Variants in GPR158 observed in about 807,000 individuals in gnomAD.
The protein encoded by GPR158 is G protein-coupled receptor 158.
Under a neutral mutation model 78.2 loss-of-function variants are expected in GPR158, and 30 were observed. The observed-to-expected ratio is 0.38, with a 90% CI of 0.29 to 0.52. GPR158 has a LOEUF of 0.52. Ranked by LOEUF, GPR158 falls within the 20% of genes least tolerant of loss-of-function variation. GPR158 has a pLI of 0.83. For synonymous variants in GPR158, 581 were observed against 591.1 expected, an observed-to-expected ratio of 0.98 and a Z score of 0.25; for missense variants, 1,463 against 1,523.5, an observed-to-expected ratio of 0.96 and a Z score of 0.66.
intron 4 of GPR158, among the ~76,000 whole-genome samples, chr10:25,434,079 G>A (rs565465567): frequency 3.3e-5 from 5 of 152,102 alleles, no homozygotes; most frequent in African/African-American, 7.2e-5. Flanking sequence ...GAATGGCGGC[G>A]TGAACCCTGG....
At chr10:25,581,224 G>A (rs977252612) in intron 7 of GPR158, among the ~76,000 whole-genome samples, 4 of 151,946 alleles carry the variant, frequency 2.6e-5, no homozygotes, top group Non-Finnish European at 5.9e-5. Flanking sequence ...CACCGCGCCC[G>A]GCGCTAATTT....
chr10:25,512,992 C>CT (rs1414300610), intron 5 of GPR158, among the ~76,000 whole-genome samples: 4 of 151,966 alleles, frequency 2.6e-5, no homozygotes, highest in African/African-American at 9.6e-5. Context: ...CTGTAGTTTT[C>CT]TTTTTTTGTT....
intron 2 of GPR158, among the ~76,000 whole-genome samples, chr10:25,380,127 G>A (rs71495450): frequency 0.047 from 7,171 of 151,928 alleles, 472 homozygotes; most frequent in African/African-American, 0.14. Flanking sequence ...CCTACTATGT[G>A]TCATGCTTGT....
chr10:25,446,839 G>A (rs544542264), intron 4 of GPR158, among the ~76,000 whole-genome samples: 5 of 152,292 alleles, frequency 3.3e-5, no homozygotes, highest in Admixed American at 2.0e-4. Context: ...TACATCAGCC[G>A]TAGGACAACT....
At chr10:25,260,166 T>G (rs1002660001) in intron 2 of GPR158, among the ~76,000 whole-genome samples, 5 of 152,200 alleles carry the variant, frequency 3.3e-5, no homozygotes, top group African/African-American at 1.2e-4. Flanking sequence ...TGCGATAGAT[T>G]TTTTTGTTTG....
rs77012078 is a variant in GPR158, at chr10:25,231,405, C to G, written c.1008+10248C>G. On this transcript the variant is annotated intron_variant, in intron 2 of 10. Coordinates refer to ENST00000376351, the MANE Select transcript of GPR158 (RefSeq NM_020752.3). The stretch of plus-strand genomic sequence containing the variant: ...CTTCTGCTTATCAAGGAATCAGATA[C>G]TTTAGAGTAGGAGATAAATCAATTT... Among the ~76,000 whole-genome samples the G allele has an allele frequency of 9.4e-3, 1,426 of 152,166 alleles. 10 individuals are homozygous for G. The highest frequency in any genetic ancestry group is 0.013 in the Non-Finnish European group (914 of 68,016).
chr10:25,499,484 T>C (rs1173601317), intron 5 of GPR158, among the ~76,000 whole-genome samples: 1 of 152,212 alleles, frequency 6.6e-6, no homozygotes, highest in Non-Finnish European at 1.5e-5. Context: ...TTCCTTGCCT[T>C]TGTGTATTTC....
intron 4 of GPR158, chr10:25,466,441 C>A (rs550735631): frequency 4.7e-6 from 2 of 429,184 alleles, no homozygotes; most frequent in Non-Finnish European, 8.3e-6. Flanking sequence ...CAGCCACTGG[C>A]GATATTATTA....
chr10:25,476,574 T>A (rs1354267730), intron 5 of GPR158, among the ~76,000 whole-genome samples: 1 of 152,114 alleles, frequency 6.6e-6, no homozygotes, highest in Non-Finnish European at 1.5e-5. Context: ...ACTCAGTCTT[T>A]CTCCAGCCTC....
intron 9 of GPR158, among the ~76,000 whole-genome samples, chr10:25,595,590 G>T (rs943725902): frequency 6.6e-6 from 1 of 152,142 alleles, no homozygotes; most frequent in Admixed American, 6.6e-5. Flanking sequence ...TGAAGTTCTG[G>T]CACATGTTAC....
At chr10:25,309,958 C>T (rs1854740024) in intron 2 of GPR158, among the ~76,000 whole-genome samples, 1 of 152,142 alleles carries the variant, frequency 6.6e-6, no homozygotes, top group Admixed American at 6.6e-5. Flanking sequence ...ACTAATAATA[C>T]CTTTGATGTC....
intron 4 of GPR158, among the ~76,000 whole-genome samples, chr10:25,454,106 A>G (rs1835259925): frequency 6.6e-6 from 1 of 151,998 alleles, no homozygotes; most frequent in East Asian, 1.9e-4. Context: ...TTTCATCAAT[A>G]TCTTATAGTT....
chr10:25,449,372 T>C (rs1182710240), intron 4 of GPR158, among the ~76,000 whole-genome samples: 1 of 152,238 alleles, frequency 6.6e-6, no homozygotes, highest in Non-Finnish European at 1.5e-5. Flanking sequence ...TATGCCTGCC[T>C]CACTACTAAG....
chr10:25,320,340 A>C (rs1230700450), intron 2 of GPR158, among the ~76,000 whole-genome samples: 6 of 152,114 alleles, frequency 3.9e-5, no homozygotes, highest in African/African-American at 9.7e-5. Context: ...AGAAATCTTT[A>C]AGTTGCATCT....
At chr10:25,333,324 A>C (rs1230951585) in intron 2 of GPR158, among the ~76,000 whole-genome samples, 1 of 152,144 alleles carries the variant, frequency 6.6e-6, no homozygotes, top group Non-Finnish European at 1.5e-5. Context: ...CTTAAATGGC[A>C]CGATAGTTTG....
intron 2 of GPR158, among the ~76,000 whole-genome samples, chr10:25,374,790 C>T (rs1834053163): frequency 1.3e-5 from 2 of 151,546 alleles, no homozygotes; most frequent in Admixed American, 6.6e-5. Flanking sequence ...TTGGTTTAAC[C>T]TTTATTCAAG....
intron 1 of GPR158, among the ~76,000 whole-genome samples, chr10:25,210,745 A>T (rs1266506755): frequency 6.6e-6 from 1 of 152,150 alleles, no homozygotes; most frequent in African/African-American, 2.4e-5. Context: ...ATCTTGGTGT[A>T]TTCATGACAT....
At position 25,510,661 on chromosome 10, in the gene GPR158, G is replaced by C. The variant is rs1836073280; in HGVS notation, c.1405-40315G>C. The stretch of plus-strand genomic sequence containing the variant: ...TTTTGGTGCACCCATCACCTGAGCA[G>C]TGTACACTGTACCCAATGTGTAGTC... On this transcript the variant is annotated intron_variant, in intron 5 of 10. Transcript: ENST00000376351. Among the ~76,000 whole-genome samples the C allele has an allele frequency of 2.0e-5, 3 of 152,176 alleles. No individual in the cohort carries two copies. In the South Asian group the frequency reaches 6.2e-4, roughly 32 times the overall value.
At chr10:25,423,133 A>ATACGTATATACGTATC (rs1834775703) in intron 4 of GPR158, among the ~76,000 whole-genome samples, 1 of 147,432 alleles carries the variant, frequency 6.8e-6, no homozygotes, top group African/African-American at 2.6e-5. Context: ...ATATATGTAT[A>ATACGTATATACGTATC]TACATATACA....
Sources: gnomAD v4.1 joint callset for allele counts (sites outside exome capture counted in the v4.1 genomes callset) on GRCh38, gnomAD v4.1.1 for gene constraint, MANE v1.5 for transcripts, NCBI Gene and HGNC (gene_info 2026-07-23, HGNC 2026-07-21) for gene names.